The following ADAMTS14 variants were observed in gnomAD, a reference collection of about 807,000 sequenced individuals.
ADAMTS14 encodes the protein ADAM metallopeptidase with thrombospondin type 1 motif 14, also known as A disintegrin and metalloproteinase with thrombospondin motifs 14.
ADAMTS14 carries 100 observed loss-of-function variants against 128.6 expected under a neutral mutation model. The ratio of observed to expected loss-of-function variants is 0.78; its 90% CI spans 0.66 to 0.92. The LOEUF (loss-of-function observed/expected upper bound fraction) is 0.92, where lower values mean the gene tolerates loss of function less well. ADAMTS14 is among the 40% of genes least tolerant of loss of function. ADAMTS14 has a pLI of 0.00. For synonymous variants in ADAMTS14, 665 were observed against 653.8 expected, an observed-to-expected ratio of 1.02 and a Z score of -0.26; for missense variants, 1,562 against 1,658.6, an observed-to-expected ratio of 0.94 and a Z score of 1.01.
At chr10:70,729,142 T>A (rs1312420966) in intron 4 of ADAMTS14, 152 bp from the exon 5 acceptor site, 8 of 649,310 alleles carry the variant, frequency 1.2e-5, no homozygotes, top group Non-Finnish European at 1.9e-5. Context: ...GCCCCCTCAG[T>A]CTCAGTTTCT....
Position 70,736,736 on chromosome 10 carries a change from C to T in ADAMTS14, c.1542C>T (p.Tyr514=). ...QLWCSHPDNP[Y]FCKTKKGPPL... Reference sequence around the variant, plus strand: ...GGTGCAGCCATCCTGACAACCCGTACTTCTGCAAGACCAAGAAGGGGCCCC... The same window carrying T: ...GGTGCAGCCATCCTGACAACCCGTATTTCTGCAAGACCAAGAAGGGGCCCC... Residue 514 remains tyrosine (Y), a synonymous_variant, in exon 10 of 22, where the codon TAC becomes TAT. Transcript: ENST00000373207. The T allele has an allele frequency of 6.2e-7, 1 of 1,613,880 alleles. No individual in the cohort carries two copies. Among genetic ancestry groups the T allele is most frequent in the Non-Finnish European group, 8.5e-7 (1 of 1,179,840 alleles).
chr10:70,701,010 G>A (rs921627422), intron 2 of ADAMTS14, among the ~76,000 whole-genome samples: 1 of 152,214 alleles, frequency 6.6e-6, no homozygotes, highest in Non-Finnish European at 1.5e-5. Context: ...TTGTCCCTGG[G>A]AACATTTCTT....
In ADAMTS14 at chr10:70,710,284, C is replaced by T. The variant is rs565464666; in HGVS notation, c.870+1506C>T. 6.4e-4 allele frequency among the ~76,000 whole-genome samples: 98 copies of T among 152,360 alleles called. 2 individuals are homozygous for T. Among genetic ancestry groups the T allele is most frequent in the African/African-American group, 2.3e-3 (94 of 41,578 alleles). On this transcript the variant is annotated intron_variant, in intron 4 of 21. Coordinates refer to ENST00000373207, the MANE Select transcript of ADAMTS14 (RefSeq NM_080722.4). ...GACCAGGTTAATGGCTCATCATAAA[C>T]ATTCATCTGGAACACCAGAGCTGAG...
At chr10:70,704,895 C>T (rs777239150) in intron 3 of ADAMTS14, among the ~76,000 whole-genome samples, 12 of 152,090 alleles carry the variant, frequency 7.9e-5, no homozygotes, top group Non-Finnish European at 1.0e-4. Context: ...CTGACAAACA[C>T]ATGCTTATAC....
Position 70,743,666 on chromosome 10 carries a change from G to A in ADAMTS14, c.2043G>A (p.Ala681=), listed in dbSNP as rs145573606. 2.1e-5 allele frequency: 33 copies of A among 1,598,674 alleles called. No homozygotes were observed. Among genetic ancestry groups the A allele is most frequent in the Middle Eastern group, 1.7e-4 (1 of 6,004 alleles). ...ACCGGGACCCATACAGCGTCTGTGC[G>A]CGTGGCGAGTGTGTGGTGGGTGCAC... ...CSYRDPYSVC[A]RGECVPVGCD... Residue 681 remains alanine, a synonymous_variant, in exon 13 of 22, where the codon GCG becomes GCA. Transcript: ENST00000373207.
At chr10:70,733,378 CAG>C (rs1266704649) in intron 7 of ADAMTS14, among the ~76,000 whole-genome samples, 1 of 152,236 alleles carries the variant, frequency 6.6e-6, no homozygotes, top group African/African-American at 2.4e-5. Context: ...CCCAGCCTTG[CAG>C]AGTCTTGGAG....
At chr10:70,695,136 A>G (rs1360233392) in intron 2 of ADAMTS14, among the ~76,000 whole-genome samples, 1 of 152,156 alleles carries the variant, frequency 6.6e-6, no homozygotes. Context: ...TCATGTGCTT[A>G]CTGCTATTTG....
chr10:70,746,833 G>GGGTC (rs1012115100), intron 15 of ADAMTS14, among the ~76,000 whole-genome samples: 5 of 152,138 alleles, frequency 3.3e-5, no homozygotes, highest in Admixed American at 3.3e-4. Flanking sequence ...GTTCAGAGCA[G>GGGTC]GGTCCCGGTG....
intron 19 of ADAMTS14, among the ~76,000 whole-genome samples, chr10:70,755,935 C>A (rs946742): frequency 0.53 from 80,214 of 152,060 alleles, 21,409 homozygotes; most frequent in South Asian, 0.59. Context: ...GATCACAATG[C>A]TGTTTATTGC....
chr10:70,726,235 C>G (rs1218083876), intron 4 of ADAMTS14, among the ~76,000 whole-genome samples: 1 of 152,248 alleles, frequency 6.6e-6, no homozygotes, highest in Admixed American at 6.5e-5. Flanking sequence ...GTAAGGACCT[C>G]TCAATGTCCT....
intron 7 of ADAMTS14, among the ~76,000 whole-genome samples, chr10:70,732,697 G>A (rs79590772): frequency 0.023 from 3,551 of 152,306 alleles, 164 homozygotes; most frequent in African/African-American, 0.081. Context: ...CTCTCTGGGT[G>A]GTCTTGATCT....
rs1842352290 is a variant in ADAMTS14, at chr10:70,751,575, T to C, written c.2525T>C (p.Leu842Pro). 3.1e-6 allele frequency: 5 copies of C among 1,613,882 alleles called. No homozygotes were observed. Among genetic ancestry groups the C allele is most frequent in the Non-Finnish European group, 4.2e-6 (5 of 1,179,802 alleles). Residue 842 changes from leucine to proline, a missense_variant, in exon 17 of 22, where the codon CTC becomes CCC. Transcript: ENST00000373207. ...LLPLIGSNNV[L>P]LEEMDTYEWA... The stretch of plus-strand genomic sequence containing the variant: ...CCCCTTATCGGGAGCAACAATGTGC[T>C]CCTGGAGGAGATGGACACCTATGAG...
chr10:70,683,860 G>A (rs1002142907), intron 2 of ADAMTS14, among the ~76,000 whole-genome samples: 1 of 152,130 alleles, frequency 6.6e-6, no homozygotes, highest in African/African-American at 2.4e-5. Context: ...TCCTCCAGTA[G>A]GCCGTCTCAG....
In ADAMTS14 at chr10:70,708,700, G is replaced by A; in HGVS notation, c.792G>A (p.Leu264=). 1 of 1,613,892 alleles carries A rather than the reference G, an allele frequency of 6.2e-7. No individual in the cohort carries two copies. The highest frequency in any genetic ancestry group is 1.6e-4 in the Middle Eastern group (1 of 6,062). The change falls in exon 4 of 22, where the codon CTG becomes CTA. Residue 264 remains leucine, a synonymous_variant. Transcript: ENST00000373207. ...AKPGSYSIEV[L]LVVDDSVVRF... ...CAGGCAGCTACAGCATCGAGGTGCT[G>A]CTGGTGGTGGACGACTCGGTGGTTC...
At chr10:70,691,429 T>C (rs1840182497) in intron 2 of ADAMTS14, among the ~76,000 whole-genome samples, 1 of 133,648 alleles carries the variant, frequency 7.5e-6, no homozygotes, top group African/African-American at 2.7e-5. Context: ...AGGCAGAGGT[T>C]GCAGTGAGCA....
rs377152726 is a variant in ADAMTS14 at position 70,757,957 on chromosome 10, G to C, written c.2938-5G>C. 33 of 1,605,734 alleles carry C rather than the reference G, an allele frequency of 2.1e-5. No homozygotes were observed. The highest frequency in any genetic ancestry group is 2.8e-5 in the Non-Finnish European group (33 of 1,176,432). On this transcript the variant is annotated splice_polypyrimidine_tract_variant and splice_region_variant and intron_variant, in intron 19 of 21. Transcript: ENST00000373207. ...CTATGCCTGGCACTGACCCACCCAC[G>C]GCAGTGCTCTGCCACCTGTGGAGAG...
intron 8 of ADAMTS14, among the ~76,000 whole-genome samples, chr10:70,734,254 T>C (rs1314005523): frequency 6.6e-6 from 1 of 152,210 alleles, no homozygotes; most frequent in Non-Finnish European, 1.5e-5. Context: ...CATAGAATTC[T>C]TATTAAAAAT....
At chr10:70,687,222 T>C (rs1172263255) in intron 2 of ADAMTS14, among the ~76,000 whole-genome samples, 1 of 92,254 alleles carries the variant, frequency 1.1e-5, no homozygotes, top group Non-Finnish European at 2.4e-5. Flanking sequence ...ACGGGGCGGC[T>C]GGCTGGGCGG....
chr10:70,739,937 A>G (rs1436197040), intron 11 of ADAMTS14, among the ~76,000 whole-genome samples: 1 of 152,178 alleles, frequency 6.6e-6, no homozygotes, highest in Non-Finnish European at 1.5e-5. Context: ...TGTAACTTTC[A>G]TCTGTCGGGA....
Sources: gnomAD v4.1 joint callset for allele counts (sites outside exome capture counted in the v4.1 genomes callset) on GRCh38, gnomAD v4.1.1 for gene constraint, MANE v1.5 for transcripts, NCBI Gene and HGNC (gene_info 2026-07-23, HGNC 2026-07-21) for gene names.